Variants in IQGAP2 observed in about 807,000 individuals in gnomAD.
IQGAP2 encodes IQ motif containing GTPase activating protein 2, also known as ras GTPase-activating-like protein IQGAP2.
A neutral mutation model predicts 201.3 loss-of-function variants in IQGAP2; 173 were observed. That is an observed-to-expected ratio of 0.86 (90% CI 0.76 to 0.98). The LOEUF is 0.98. IQGAP2 is among the 50% of genes least tolerant of loss of function. IQGAP2 has a pLI of 0.00. For synonymous variants in IQGAP2, 675 were observed against 673.9 expected, an observed-to-expected ratio of 1.00 and a Z score of -0.03; for missense variants, 1,687 against 1,864.8, an observed-to-expected ratio of 0.90 and a Z score of 1.76.
chr5:76,615,902 A>G (rs565699692), intron 13 of IQGAP2: 1 of 152,750 alleles, frequency 6.5e-6, no homozygotes, highest in Admixed American at 6.5e-5. Context: ...CCAACCTGAA[A>G]TGATGTCATC....
At chr5:76,572,348 C>T (rs975730427) in intron 4 of IQGAP2, among the ~76,000 whole-genome samples, 1 of 151,954 alleles carries the variant, frequency 6.6e-6, no homozygotes, top group Admixed American at 6.6e-5. Context: ...CAGGCATGCA[C>T]CACCACGCCT....
intron 35 of IQGAP2, among the ~76,000 whole-genome samples, chr5:76,704,641 A>T (rs1485689061): frequency 6.6e-6 from 1 of 152,216 alleles, no homozygotes; most frequent in Non-Finnish European, 1.5e-5. Context: ...CCCTGTTTTT[A>T]AAATTATTAA....
At chr5:76,581,506 G>T (rs1486278024) in intron 5 of IQGAP2, among the ~76,000 whole-genome samples, 1 of 152,118 alleles carries the variant, frequency 6.6e-6, no homozygotes, top group Non-Finnish European at 1.5e-5. Flanking sequence ...TTCTCTCTGT[G>T]CTCTGAACCA....
At chr5:76,652,433 A>G (rs945033656) in intron 17 of IQGAP2, among the ~76,000 whole-genome samples, 26 of 125,684 alleles carry the variant, frequency 2.1e-4, no homozygotes, top group African/African-American at 7.4e-4. Context: ...TGGGTTTTGG[A>G]GAAATTCCAT....
At chr5:76,637,843 T>G (rs1453918899) in intron 16 of IQGAP2, among the ~76,000 whole-genome samples, 2 of 152,198 alleles carry the variant, frequency 1.3e-5, no homozygotes, top group African/African-American at 4.8e-5. Context: ...GACATAAAAA[T>G]TAGCCATGTG....
intron 1 of IQGAP2, among the ~76,000 whole-genome samples, chr5:76,430,573 A>G (rs1752311081): frequency 2.0e-5 from 3 of 152,220 alleles, no homozygotes; most frequent in South Asian, 4.1e-4. Flanking sequence ...TTTGGAAGTC[A>G]GATAACAGCA....
chr5:76,641,581 C>A (rs1751587784), intron 17 of IQGAP2, among the ~76,000 whole-genome samples: 1 of 152,174 alleles, frequency 6.6e-6, no homozygotes, highest in Non-Finnish European at 1.5e-5. Flanking sequence ...TTTAGGCCTT[C>A]AGGAGAAACC....
intron 30 of IQGAP2, among the ~76,000 whole-genome samples, chr5:76,685,926 C>T (rs529578944): frequency 3.3e-5 from 5 of 152,306 alleles, no homozygotes; most frequent in African/African-American, 1.2e-4. Context: ...AGTAGTCATT[C>T]CCCATTCCCC....
At chr5:76,638,174 C>T (rs928580761) in intron 16 of IQGAP2, among the ~76,000 whole-genome samples, 11 of 152,150 alleles carry the variant, frequency 7.2e-5, no homozygotes, top group African/African-American at 2.7e-4. Flanking sequence ...AAAGAAGAAA[C>T]TCATTTAGAA....
chr5:76,682,092 C>T (rs1422760133), intron 28 of IQGAP2, among the ~76,000 whole-genome samples: 4 of 152,078 alleles, frequency 2.6e-5, no homozygotes, highest in Admixed American at 6.5e-5. Context: ...AATGGGTACC[C>T]GGTATCTTTT....
At chr5:76,517,873 A>G (rs560543027) in intron 2 of IQGAP2, among the ~76,000 whole-genome samples, 3 of 152,298 alleles carry the variant, frequency 2.0e-5, no homozygotes, top group Non-Finnish European at 4.4e-5. Flanking sequence ...CTGCTTTTAT[A>G]AGGGGACTGT....
intron 16 of IQGAP2, among the ~76,000 whole-genome samples, chr5:76,639,940 T>G (rs1188368679): frequency 6.6e-6 from 1 of 152,192 alleles, no homozygotes; most frequent in African/African-American, 2.4e-5. Context: ...GTTGAAAAGA[T>G]GTATCAAACT....
At chr5:76,435,604 G>C (rs2150096652) in intron 1 of IQGAP2, among the ~76,000 whole-genome samples, 1 of 152,264 alleles carries the variant, frequency 6.6e-6, no homozygotes, top group South Asian at 2.1e-4. Flanking sequence ...AGTATAATTT[G>C]AAGTCAGTTA....
intron 13 of IQGAP2, chr5:76,623,442 G>A (rs1342629752): frequency 1.7e-6 from 1 of 579,178 alleles, no homozygotes; most frequent in Non-Finnish European, 3.0e-6. Flanking sequence ...CATGACTCAG[G>A]CCAAGCCTCT....
intron 30 of IQGAP2, among the ~76,000 whole-genome samples, chr5:76,692,067 T>C (rs1481065672): frequency 6.6e-6 from 1 of 152,216 alleles, no homozygotes; most frequent in Non-Finnish European, 1.5e-5. Flanking sequence ...AAACTTCAGA[T>C]GTCAATTAGA....
In IQGAP2 at chr5:76,673,466, T is replaced by G. The variant is rs753400106; in HGVS notation, c.3086T>G (p.Val1029Gly). ...TGEASKLPYD[V>G]TTEQALTYPE... Reference sequence around the variant, plus strand: ...GTTTTCAGCAAGTTGCCTTATGATGTGACCACAGAACAAGCTCTAACATAC... The same window carrying G: ...GTTTTCAGCAAGTTGCCTTATGATGGGACCACAGAACAAGCTCTAACATAC... The change falls in exon 25 of 36, where the codon GTG becomes GGG. Residue 1029 changes from valine (V) to glycine (G), a missense_variant. Coordinates refer to ENST00000274364, the MANE Select transcript of IQGAP2 (RefSeq NM_006633.5). 6.2e-7 allele frequency: 1 copy of G among 1,613,902 alleles called. No homozygotes were observed. The highest frequency in any genetic ancestry group is 1.1e-5 in the South Asian group (1 of 91,042).
chr5:76,668,147 C>T (rs929044990), intron 22 of IQGAP2, among the ~76,000 whole-genome samples: 15 of 152,074 alleles, frequency 9.9e-5, no homozygotes, highest in Middle Eastern at 3.4e-3. Context: ...TCTCCCAAAG[C>T]GCTGGAATTA....
intron 13 of IQGAP2, chr5:76,617,783 C>G (rs747173451): frequency 2.2e-5 from 35 of 1,613,410 alleles, no homozygotes; most frequent in Non-Finnish European, 2.1e-5. Flanking sequence ...TGGTAAAAAT[C>G]ACAAGGATGA....
At chr5:76,414,150 C>T (rs1483020112) in intron 1 of IQGAP2, among the ~76,000 whole-genome samples, 1 of 152,168 alleles carries the variant, frequency 6.6e-6, no homozygotes, top group African/African-American at 2.4e-5. Context: ...GCTAGTAACC[C>T]CTCTATTATT....
Sources: allele counts gnomAD v4.1 joint callset (sites outside exome capture counted in the v4.1 genomes callset), GRCh38; gene constraint gnomAD v4.1.1; transcripts MANE v1.5; gene names NCBI Gene and HGNC (gene_info 2026-07-23, HGNC 2026-07-21).